IQGAP2: variants seen among roughly 807,000 people sequenced by gnomAD.
The protein encoded by IQGAP2 is ras GTPase-activating-like protein IQGAP2.
Under a neutral mutation model 201.3 loss-of-function variants are expected in IQGAP2, and 173 were observed. The ratio of observed to expected loss-of-function variants is 0.86; its 90% confidence interval spans 0.76 to 0.98. The LOEUF (loss-of-function observed/expected upper bound fraction) is 0.98. IQGAP2 is among the 50% of genes least tolerant of loss of function. The probability of loss-of-function intolerance (pLI) is 0.00; values close to 1 mark genes in which losing one functional copy is unlikely to be tolerated. For synonymous variants in IQGAP2, 675 were observed against 673.9 expected (o/e 1.00, Z -0.03); for missense variants, 1,687 against 1,864.8 (o/e 0.90, Z 1.76).
chr5:76,539,386 C>T (rs1427285841), intron 2 of IQGAP2, among the ~76,000 whole-genome samples: 1 of 152,174 alleles, frequency 6.6e-6, no homozygotes, highest in Non-Finnish European at 1.5e-5. Context: ...GGGTGTGCCC[C>T]CACTCCAGGG....
chr5:76,611,056 A>G lies in IQGAP2; in HGVS notation c.1394A>G (p.Asp465Gly). 2 of 1,613,834 alleles carry G rather than the reference A, an allele frequency of 1.2e-6. No homozygotes were observed. Among genetic ancestry groups the G allele is most frequent in the Non-Finnish European group, 1.7e-6 (2 of 1,179,826 alleles). Residue 465 changes from aspartate to glycine, a missense_variant, in exon 13 of 36, where the codon GAT becomes GGT. Asp to Gly is a moderately conservative substitution (Grantham distance 94, BLOSUM62 -1). Transcript: ENST00000274364. ...GTAGGGTACATCAATGAAGCTATTG[A>G]TGAAGGGAATCCTTTGAGGACTTTA... ...VAVGYINEAI[D>G]EGNPLRTLET...
At chr5:76,597,221 T>C (rs1279061844) in intron 9 of IQGAP2, 1 of 560,516 alleles carries the variant, frequency 1.8e-6, no homozygotes, top group Non-Finnish European at 3.2e-6. Flanking sequence ...CTAAGCTCCA[T>C]CAATGCTAAG....
chr5:76,561,950 T>G (rs1744403335), intron 2 of IQGAP2, among the ~76,000 whole-genome samples: 1 of 152,170 alleles, frequency 6.6e-6, no homozygotes, highest in Non-Finnish European at 1.5e-5. Context: ...ATTCCTGGAC[T>G]GAGGTAACTG....
At chr5:76,671,352 T>C (rs1744300897) in intron 23 of IQGAP2, among the ~76,000 whole-genome samples, 1 of 152,196 alleles carries the variant, frequency 6.6e-6, no homozygotes, top group Admixed American at 6.5e-5. Context: ...TATAATTCCA[T>C]GAAGTCCTTG....
chr5:76,583,919 A>G (rs1561483813), intron 5 of IQGAP2, among the ~76,000 whole-genome samples: 1 of 151,314 alleles, frequency 6.6e-6, no homozygotes, highest in Non-Finnish European at 1.5e-5. Flanking sequence ...GTTGCCCAGG[A>G]TGGAGTGCAG....
chr5:76,562,737 G>T (rs528421353), intron 3 of IQGAP2, among the ~76,000 whole-genome samples, 185 bp downstream of exon 3: 1 of 152,200 alleles, frequency 6.6e-6, no homozygotes, highest in East Asian at 1.9e-4. Context: ...TTCTATTTCT[G>T]GTCTGACACT....
Position 76,649,948 on chromosome 5 carries a change from C to T in IQGAP2, c.2095-2802C>T, listed in dbSNP as rs181509551. Among the ~76,000 whole-genome samples, 357 of 152,380 alleles carry T rather than the reference C, an allele frequency of 2.3e-3. 1 individual carries two copies. Among genetic ancestry groups the T allele is most frequent in the African/African-American group, 8.2e-3 (343 of 41,590 alleles). On this transcript the variant is annotated intron_variant, in intron 17 of 35. Coordinates refer to ENST00000274364, the MANE Select transcript of IQGAP2 (RefSeq NM_006633.5). Reference sequence around the variant, plus strand: ...TAACATGACATGGAAGGCACTAAGGCTTACAGCTTGCACCCTCTGAAGCAG... The same window carrying T: ...TAACATGACATGGAAGGCACTAAGGTTTACAGCTTGCACCCTCTGAAGCAG...
intron 2 of IQGAP2, chr5:76,510,587 G>C: frequency 2.1e-6 from 1 of 487,402 alleles, no homozygotes; most frequent in Admixed American, 2.3e-5. Context: ...GAAGGACCCA[G>C]ACAGTGTGCC....
Position 76,554,378 on chromosome 5 carries a change from C to T in IQGAP2, c.147-8018C>T, listed in dbSNP as rs376068831. On this transcript the variant is annotated intron_variant, in intron 2 of 35. Transcript: ENST00000274364. Reference sequence around the variant, plus strand: ...TAACACCATTAAGAAAGTGAAAAGACGGCTCACAGAATGGAGGAAACACTT... The same window carrying T: ...TAACACCATTAAGAAAGTGAAAAGATGGCTCACAGAATGGAGGAAACACTT... Among the ~76,000 whole-genome samples the T allele has an allele frequency of 2.1e-3, 314 of 152,108 alleles. 1 individual carries two copies. Among genetic ancestry groups the T allele is most frequent in the African/African-American group, 6.3e-3 (260 of 41,500 alleles).
intron 28 of IQGAP2, among the ~76,000 whole-genome samples, chr5:76,678,656 G>C (rs1241140160): frequency 6.6e-6 from 1 of 152,160 alleles, no homozygotes; most frequent in Non-Finnish European, 1.5e-5. Context: ...GCACATTCAA[G>C]TTCTAGATGC....
At chr5:76,483,052 A>C (rs1755885370) in intron 2 of IQGAP2, among the ~76,000 whole-genome samples, 1 of 152,226 alleles carries the variant, frequency 6.6e-6, no homozygotes, top group Non-Finnish European at 1.5e-5. Context: ...ATACCTCTTA[A>C]GCTCCATTGT....
chr5:76,606,355 G>C (rs1393304946), intron 12 of IQGAP2, 52 bp downstream of exon 12: 10 of 1,469,050 alleles, frequency 6.8e-6, no homozygotes, highest in Non-Finnish European at 9.1e-6. Context: ...GAAGGTATCT[G>C]GACAACTTAG....
At chr5:76,694,212 C>T (rs565069433) in intron 31 of IQGAP2, among the ~76,000 whole-genome samples, 17 of 151,830 alleles carry the variant, frequency 1.1e-4, no homozygotes, top group Admixed American at 5.9e-4. Context: ...GTGTGTAGAT[C>T]ACTTGAGCCC....
chr5:76,487,555 A>T (rs895561332), intron 2 of IQGAP2, among the ~76,000 whole-genome samples: 1 of 152,214 alleles, frequency 6.6e-6, no homozygotes, highest in African/African-American at 2.4e-5. Flanking sequence ...GATGTTGCAA[A>T]GTGGATATTG....
chr5:76,439,472 C>CT (rs1231922524), intron 1 of IQGAP2, among the ~76,000 whole-genome samples: 4 of 152,256 alleles, frequency 2.6e-5, no homozygotes, highest in Admixed American at 2.6e-4. Flanking sequence ...GTGTTGCTGT[C>CT]TATCTATTTC....
At chr5:76,677,005 C>T (rs1157184154) in intron 27 of IQGAP2, 1 of 503,316 alleles carries the variant, frequency 2.0e-6, no homozygotes, top group East Asian at 3.3e-5. Context: ...GCCACTCTCT[C>T]CAATCCTGTT....
intron 11 of IQGAP2, among the ~76,000 whole-genome samples, chr5:76,601,683 G>A (rs1300241659): frequency 6.6e-6 from 1 of 152,186 alleles, no homozygotes; most frequent in Non-Finnish European, 1.5e-5. Flanking sequence ...CACAGATCTT[G>A]ACAAAAGCTC....
intron 2 of IQGAP2, chr5:76,510,601 G>A (rs1005499798): frequency 8.0e-6 from 4 of 502,326 alleles, no homozygotes; most frequent in East Asian, 6.1e-5. Context: ...GTGTGCCATC[G>A]ATGTCCTCTA....
intron 5 of IQGAP2, among the ~76,000 whole-genome samples, chr5:76,580,427 C>T (rs1366904364): frequency 2.6e-5 from 4 of 152,120 alleles, no homozygotes; most frequent in South Asian, 4.2e-4. Flanking sequence ...AGCGAGACTC[C>T]GTCTCAAAGA....
Sources: allele counts gnomAD v4.1 joint callset (sites outside exome capture counted in the v4.1 genomes callset), GRCh38; gene constraint gnomAD v4.1.1; transcripts MANE v1.5; gene names NCBI Gene and HGNC (gene_info 2026-07-23, HGNC 2026-07-21).